Variants in KDR observed in about 807,000 individuals in gnomAD.
KDR encodes the protein kinase insert domain receptor.
A neutral mutation model predicts 160.9 loss-of-function variants in KDR; 43 were observed. The observed-to-expected ratio is 0.27, with a 90% confidence interval of 0.21 to 0.34. The LOEUF (loss-of-function observed/expected upper bound fraction) is 0.34. Ranked by LOEUF, KDR falls within the 10% of genes least tolerant of loss-of-function variation. The pLI, the probability that KDR is intolerant of heterozygous loss-of-function variation, is 1.00. For synonymous variants in KDR, 617 were observed against 600.1 expected, an observed-to-expected ratio of 1.03 and a Z score of -0.41; for missense variants, 1,469 against 1,666.4, an observed-to-expected ratio of 0.88 and a Z score of 2.06.
intron 11 of KDR, 40 bp from the exon 12 acceptor site, chr4:55,105,980 C>T (rs373716728): frequency 6.1e-5 from 79 of 1,287,622 alleles, no homozygotes; most frequent in African/African-American, 5.7e-4. Flanking sequence ...ATAAACAACG[C>T]GGCTGTTTGT....
rs201483998 is a variant in KDR, at chr4:55,098,745, G to T, written c.2325C>A (p.Ala775=). The change falls in exon 16 of 30, where the codon GCC becomes GCA. Residue 775 remains alanine (A), a synonymous_variant. Transcript: ENST00000263923. ...TGACAAGAAGTAGCCAGAAGAACAT[G>T]GCAATCACCGCCGTGCCTACTAGAA... ...IIILVGTAVI[A]MFFWLLLVII... The T allele has an allele frequency of 5.6e-6, 9 of 1,613,380 alleles. No individual in the cohort carries two copies. In the East Asian group the frequency reaches 1.6e-4, roughly 28 times the overall value.
intron 10 of KDR, among the ~76,000 whole-genome samples, chr4:55,107,237 G>A (rs910406795): frequency 1.3e-5 from 2 of 152,170 alleles, no homozygotes; most frequent in Non-Finnish European, 2.9e-5. Context: ...GGACTGCTTA[G>A]GGTGGTGGTG....
At chr4:55,089,920 A>G in intron 23 of KDR, 36 bp downstream of exon 23, 1 of 1,612,752 alleles carries the variant, frequency 6.2e-7, no homozygotes, top group Non-Finnish European at 8.5e-7. Context: ...TAATTCTGTT[A>G]CTTAACCAAG....
intron 7 of KDR, among the ~76,000 whole-genome samples, chr4:55,112,541 T>C (rs1022222029): frequency 1.3e-5 from 2 of 149,300 alleles, no homozygotes; most frequent in African/African-American, 5.0e-5. Flanking sequence ...TTTTTTTTTT[T>C]TTTTGAGAAG....
Position 55,094,975 on chromosome 4 carries a change from C to T in KDR, c.2818-20G>A, listed in dbSNP as rs1312507948. 6.2e-7 allele frequency: 1 copy of T among 1,612,206 alleles called. No homozygotes were observed. The highest frequency in any genetic ancestry group is 1.7e-5 in the Admixed American group (1 of 60,002). The stretch of plus-strand genomic sequence containing the variant: ...TTTGGTCTATAAAAAAGCAAAGGAA[C>T]AAACAAACTCCTTGAATACAAAATG... On this transcript the variant is annotated intron_variant, in intron 20 of 29. Coordinates refer to ENST00000263923, the MANE Select transcript of KDR (RefSeq NM_002253.4).
Position 55,114,238 on chromosome 4 carries a change from C to A in KDR, c.686G>T (p.Ser229Ile), listed in dbSNP as rs1222639308. Residue 229 changes from serine to isoleucine, a missense_variant, in exon 6 of 30, where the codon AGT (serine) becomes ATT (isoleucine). Transcript: ENST00000263923. Reference sequence around the variant, plus strand: ...AGATAGTTCAATTCCATGAGACGGACTCAGAACCACATCATAAATCCTATA... The same window carrying A: ...AGATAGTTCAATTCCATGAGACGGAATCAGAACCACATCATAAATCCTATA... ...VGYRIYDVVL[S>I]PSHGIELSVG... The A allele has an allele frequency of 2.5e-6, 4 of 1,613,922 alleles. No homozygotes were observed. In the South Asian group the frequency reaches 4.4e-5, roughly 18 times the overall value.
intron 12 of KDR, 130 bp from the exon 13 acceptor site, chr4:55,105,114 C>T: frequency 1.3e-6 from 1 of 755,002 alleles, no homozygotes; most frequent in South Asian, 1.5e-5. Context: ...TGATGTACTA[C>T]AACTTGACAA....
chr4:55,120,747 C>T (rs1031356223), intron 2 of KDR, among the ~76,000 whole-genome samples: 1 of 151,968 alleles, frequency 6.6e-6, no homozygotes, highest in Non-Finnish European at 1.5e-5. Flanking sequence ...TAAATGTATG[C>T]CCTCAACTTC....
chr4:55,107,430 G>A lies in KDR; in HGVS notation c.1412+307C>T, dbSNP rs115770642. Among the ~76,000 whole-genome samples, 1,115 of 152,228 alleles carry A rather than the reference G, an allele frequency of 7.3e-3. 12 individuals are homozygous for A. Among genetic ancestry groups the A allele is most frequent in the African/African-American group, 0.024 (981 of 41,536 alleles). ...AGGAGGGATGTGGTATTCACCAGCCGATTGGTATCGGGAGAAAAACCAAAG... is the reference window on the plus strand; with the variant it reads ...AGGAGGGATGTGGTATTCACCAGCCAATTGGTATCGGGAGAAAAACCAAAG... On this transcript the variant is annotated intron_variant, in intron 10 of 29. Coordinates refer to ENST00000263923, the MANE Select transcript of KDR (RefSeq NM_002253.4).
Position 55,113,296 on chromosome 4 carries a change from T to C in KDR, c.976+8A>G, listed in dbSNP as rs201195950. On this transcript the variant is annotated splice_region_variant and intron_variant, in intron 7 of 29. Coordinates refer to ENST00000263923, the MANE Select transcript of KDR (RefSeq NM_002253.4). Reference sequence around the variant, plus strand: ...AGGCACAGAATAATTTCCAAGACCATAGCTTACCATGGACCCTGACAAATG... The same window carrying C: ...AGGCACAGAATAATTTCCAAGACCACAGCTTACCATGGACCCTGACAAATG... 9.9e-6 allele frequency: 16 copies of C among 1,613,528 alleles called. 1 individual carries two copies. The East Asian group carries it at 1.3e-4, about 13-fold the overall frequency.
intron 27 of KDR, among the ~76,000 whole-genome samples, chr4:55,087,296 C>T (rs1414387516): frequency 6.6e-6 from 1 of 152,214 alleles, no homozygotes; most frequent in Non-Finnish European, 1.5e-5. Flanking sequence ...AATTTAAATG[C>T]AGATGTCTTT....
intron 6 of KDR, 80 bp from the exon 7 acceptor site, chr4:55,113,561 A>G (rs1017670367): frequency 3.8e-6 from 5 of 1,300,602 alleles, no homozygotes; most frequent in Non-Finnish European, 5.5e-6. Context: ...ACAGAATTAA[A>G]TCTGGGCTTT....
At position 55,125,425 on chromosome 4, in the gene KDR, C is replaced by A. The variant is rs1358533533; in HGVS notation, c.-132G>T. 5.9e-6 allele frequency: 7 copies of A among 1,183,408 alleles called. No homozygotes were observed. The highest frequency in any genetic ancestry group is 8.4e-6 in the Non-Finnish European group (7 of 834,012). 73.3% of individuals were successfully genotyped at this position (1,183,408 alleles called of 1,614,324 possible). A position where few individuals can be genotyped will look rare whatever the true frequency, so the allele number is the denominator to read the frequency against. ...GCGCAGGACAGTTGAGCGCACAGGG[C>A]TAGGGAGCCCGGGCGCCGACCGCGG... On this transcript the variant is annotated 5_prime_UTR_variant, in exon 1 of 30. Coordinates refer to ENST00000263923, the MANE Select transcript of KDR (RefSeq NM_002253.4).
intron 7 of KDR, 32 bp from the exon 8 acceptor site, chr4:55,110,800 C>A: frequency 7.1e-7 from 1 of 1,409,348 alleles, no homozygotes; most frequent in Non-Finnish European, 1.0e-6. Flanking sequence ...AAAAGGTCAA[C>A]TTACTGTAAA....
chr4:55,113,367 A>G lies in KDR; in HGVS notation c.913T>C (p.Tyr305His). Residue 305 changes from tyrosine (Y) to histidine (H), a missense_variant, in exon 7 of 30, where the codon TAC becomes CAC. Physicochemically the swap from Tyr to His is moderately conservative, Grantham distance 83. Transcript: ENST00000263923. ...AGCCCACTGGATGCTGCACAGGTGT[A>G]CAATCCTTGGTCACTCCGGGTTACA... ...DGVTRSDQGL[Y>H]TCAASSGLMT... is the part of the protein sequence containing the mutation. 6.2e-7 allele frequency: 1 copy of G among 1,614,140 alleles called. No individual in the cohort carries two copies. The highest frequency in any genetic ancestry group is 8.5e-7 in the Non-Finnish European group (1 of 1,179,982).
At chr4:55,098,042 C>A (rs543593218) in intron 17 of KDR, 95 bp downstream of exon 17, 7 of 1,482,106 alleles carry the variant, frequency 4.7e-6, no homozygotes, top group Middle Eastern at 1.7e-4. Context: ...AAACCAGAAT[C>A]CAACATCTGA....
rs1156525333 is a variant in KDR at position 55,079,581 on chromosome 4, T to A, written c.*360A>T. ...TTACATTGCCTGGTTTATCTTCTAG[T>A]TTTACAGAAGTGTCAGCTCCCCAGG... On this transcript the variant is annotated 3_prime_UTR_variant, in exon 30 of 30. Coordinates refer to ENST00000263923, the MANE Select transcript of KDR (RefSeq NM_002253.4). 1 of 394,846 alleles carries A rather than the reference T, an allele frequency of 2.5e-6. No homozygotes were observed. The highest frequency in any genetic ancestry group is 4.7e-6 in the Non-Finnish European group (1 of 212,224). 24.5% of individuals were successfully genotyped at this position (394,846 alleles called of 1,614,324 possible).
At chr4:55,124,335 G>A (rs1720974281) in intron 1 of KDR, among the ~76,000 whole-genome samples, 1 of 152,140 alleles carries the variant, frequency 6.6e-6, no homozygotes, top group Non-Finnish European at 1.5e-5. Flanking sequence ...GAGAGAGAAA[G>A]GAAAGTGAGG....
chr4:55,088,613 A>T (rs1719928779), intron 26 of KDR, among the ~76,000 whole-genome samples: 1 of 152,186 alleles, frequency 6.6e-6, no homozygotes, highest in African/African-American at 2.4e-5. Context: ...TTAGAAGAGG[A>T]TTTGAAAATA....
Sources: allele counts gnomAD v4.1 joint callset (sites outside exome capture counted in the v4.1 genomes callset), GRCh38; gene constraint gnomAD v4.1.1; transcripts MANE v1.5; gene names NCBI Gene and HGNC (gene_info 2026-07-23, HGNC 2026-07-21).